The following IL18RAP variants were observed in gnomAD, a reference collection of about 807,000 sequenced individuals.
IL18RAP encodes the protein interleukin 18 receptor accessory protein.
In IL18RAP, 37 loss-of-function variants were observed where a neutral mutation model predicts 58.1. The observed-to-expected ratio is 0.64, with a 90% CI of 0.49 to 0.84. The LOEUF is 0.84. Among genes scored for constraint, IL18RAP ranks in the 40% least tolerant of loss-of-function variants. The pLI is 0.00. For synonymous variants in IL18RAP, 268 were observed against 257.5 expected (o/e 1.04, Z -0.39); for missense variants, 667 against 704.8 (o/e 0.95, Z 0.61).
intron 3 of IL18RAP, chr2:102,434,911 T>A (rs1682629500): frequency 6.6e-6 from 1 of 152,204 alleles, no homozygotes; most frequent in African/African-American, 2.4e-5. Flanking sequence ...TCATAAACCA[T>A]CTGTTAAATA....
intron 7 of IL18RAP, 128 bp from the exon 8 acceptor site, chr2:102,446,942 G>C (rs1289409415): frequency 2.0e-6 from 2 of 984,362 alleles, no homozygotes; most frequent in East Asian, 4.9e-5. Flanking sequence ...ACTGCTGCTA[G>C]TGGCAATGAT....
Position 102,452,292 on chromosome 2 carries a change from C to T in IL18RAP, c.*111C>T. On this transcript the variant is annotated 3_prime_UTR_variant, in exon 10 of 10. Transcript: ENST00000687160. The stretch of plus-strand genomic sequence containing the variant: ...GGCTGATAGGAAATTCAAAGAGTCT[C>T]CTGCCAGCACCAAGCAAGCTTGATG... The T allele has an allele frequency of 9.6e-7, 1 of 1,044,894 alleles. No homozygotes were observed. Among genetic ancestry groups the T allele is most frequent in the East Asian group, 2.5e-5 (1 of 40,624 alleles). The allele number at this position is 1,044,894 out of a possible 1,614,324, so 64.7% of individuals were successfully genotyped here. A position where few individuals can be genotyped will look rare whatever the true frequency, so the allele number is the denominator to read the frequency against.
At chr2:102,447,810 A>G (rs1683524397) in intron 8 of IL18RAP, among the ~76,000 whole-genome samples, 1 of 151,884 alleles carries the variant, frequency 6.6e-6, no homozygotes. Context: ...AGCTTACTTC[A>G]ATCTCCGCCT....
intron 3 of IL18RAP, among the ~76,000 whole-genome samples, chr2:102,429,364 G>T (rs1391047585): frequency 6.6e-6 from 1 of 151,886 alleles, no homozygotes; most frequent in Non-Finnish European, 1.5e-5. Flanking sequence ...GCATATAATT[G>T]TTCGTAGTAG....
Position 102,450,829 on chromosome 2 carries a change from A to T in IL18RAP, c.1211-19A>T. On this transcript the variant is annotated intron_variant, in intron 8 of 9. Transcript: ENST00000687160. ...AAGAGTAAATGACTTATGTTTTTAT[A>T]AATTTTCCTATTCTTCAGATAAAAA... is the stretch of plus-strand genomic sequence containing the variant. 6.5e-7 allele frequency: 1 copy of T among 1,529,812 alleles called. No individual in the cohort carries two copies. The highest frequency in any genetic ancestry group is 8.8e-7 in the Non-Finnish European group (1 of 1,130,942). 94.8% of individuals were successfully genotyped at this position (1,529,812 alleles called of 1,614,324 possible).
intron 5 of IL18RAP, 106 bp from the exon 6 acceptor site, chr2:102,443,094 C>T (rs1683202503): frequency 1.8e-6 from 2 of 1,082,990 alleles, no homozygotes; most frequent in East Asian, 4.9e-5. Context: ...TACCTGCAAA[C>T]CTGATTGCAT....
chr2:102,450,479 G>A lies in IL18RAP; in HGVS notation c.1211-369G>A, dbSNP rs11465731. Among the ~76,000 whole-genome samples, 754 of 152,220 alleles carry A rather than the reference G, an allele frequency of 5.0e-3. 4 individuals carry two copies. The highest frequency in any genetic ancestry group is 0.017 in the Middle Eastern group (5 of 294). ...GGTGTTAGCAGTACTTTGCTTACTG[G>A]ATATCATCATGTTGGATGGGGCAGA... On this transcript the variant is annotated intron_variant, in intron 8 of 9. Transcript: ENST00000687160.
chr2:102,430,557 T>C (rs1292337047), intron 3 of IL18RAP, among the ~76,000 whole-genome samples: 1 of 152,084 alleles, frequency 6.6e-6, no homozygotes, highest in Non-Finnish European at 1.5e-5. Context: ...AAGGTGATTA[T>C]TGGTAGATAA....
At chr2:102,432,679 G>A (rs184963399) in intron 3 of IL18RAP, among the ~76,000 whole-genome samples, 1 of 152,286 alleles carries the variant, frequency 6.6e-6, no homozygotes, top group East Asian at 1.9e-4. Context: ...GACCTGGGTG[G>A]GGCCAGCTGC....
chr2:102,443,094 C>A, intron 5 of IL18RAP, 106 bp from the exon 6 acceptor site: 1 of 1,082,990 alleles, frequency 9.2e-7, no homozygotes, highest in East Asian at 2.4e-5. Context: ...TACCTGCAAA[C>A]CTGATTGCAT....
upstream of IL18RAP, among the ~76,000 whole-genome samples, chr2:102,422,522 C>T (rs945570059): frequency 4.4e-4 from 67 of 152,142 alleles, no homozygotes; most frequent in Non-Finnish European, 5.9e-5. Context: ...TGGGAATGCT[C>T]CAGCTGGATC....
chr2:102,445,150 A>G, intron 6 of IL18RAP, 39 bp from the exon 7 acceptor site: 2 of 1,592,848 alleles, frequency 1.3e-6, no homozygotes, highest in Non-Finnish European at 8.6e-7. Flanking sequence ...GTGTCAATGT[A>G]TGTTACTGAA....
At chr2:102,424,725 C>T (rs912945990) in intron 3 of IL18RAP, among the ~76,000 whole-genome samples, 1 of 152,176 alleles carries the variant, frequency 6.6e-6, no homozygotes, top group Non-Finnish European at 1.5e-5. Context: ...TAGGTTCACT[C>T]ATTTTCACTG....
At chr2:102,437,045 C>A (rs909302898) in intron 3 of IL18RAP, among the ~76,000 whole-genome samples, 167 bp from the exon 4 acceptor site, 2 of 152,140 alleles carry the variant, frequency 1.3e-5, no homozygotes, top group African/African-American at 4.8e-5. Flanking sequence ...TGTTTCAAAT[C>A]TACAAGTACA....
At position 102,423,790 on chromosome 2, in the gene IL18RAP, TTTG is replaced by T. The variant is rs752896941; in HGVS notation, c.71-18_71-16del. The T allele has an allele frequency of 2.7e-5, 42 of 1,568,588 alleles. No individual in the cohort carries two copies. The highest frequency in any genetic ancestry group is 6.8e-5 in the African/African-American group (5 of 73,714). On this transcript the variant is annotated intron_variant, in intron 1 of 9. Coordinates refer to ENST00000687160, the MANE Select transcript of IL18RAP (RefSeq NM_001393487.1). The stretch of plus-strand genomic sequence containing the variant: ...CATTTTCTAATGTGTTTCCATGTGC[TTTG>T]TTTATTATGATTTTCAGGTTGTTCC...
chr2:102,437,360 T>C lies in IL18RAP; in HGVS notation c.728T>C (p.Ile243Thr). 1.2e-6 allele frequency: 2 copies of C among 1,605,928 alleles called. No individual in the cohort carries two copies. Among genetic ancestry groups the C allele is most frequent in the South Asian group, 1.1e-5 (1 of 88,678 alleles). Residue 243 changes from isoleucine (I) to threonine (T), a missense_variant and splice_region_variant, in exon 4 of 10, where the codon ATT becomes ACT. Coordinates refer to ENST00000687160, the MANE Select transcript of IL18RAP (RefSeq NM_001393487.1). ...TVRAVVQVRTIVGDTKLKPDI... is the reference protein window; with the variant it reads ...TVRAVVQVRTTVGDTKLKPDI... ...AGAGCTGTTGTTCAAGTGAGAACCA[T>C]TGGTAAGTGAGATTTTTATCTCAAG...
At chr2:102,421,294 T>C (rs747919835), upstream of IL18RAP, among the ~76,000 whole-genome samples, 73 of 152,210 alleles carry the variant, frequency 4.8e-4, no homozygotes, top group Non-Finnish European at 7.9e-4. Flanking sequence ...GGCGCTTCTT[T>C]ATCCAGGTGG....
upstream of IL18RAP, among the ~76,000 whole-genome samples, chr2:102,420,194 A>C (rs1172663120): frequency 6.6e-6 from 1 of 152,198 alleles, no homozygotes; most frequent in Non-Finnish European, 1.5e-5. Flanking sequence ...TGCTGGCAAC[A>C]GCTACTGTAA....
chr2:102,430,948 A>G (rs1411574117), intron 3 of IL18RAP, among the ~76,000 whole-genome samples: 2 of 152,194 alleles, frequency 1.3e-5, no homozygotes, highest in Non-Finnish European at 2.9e-5. Context: ...CTTCATAGTA[A>G]TGATAAATTG....
Sources: allele counts gnomAD v4.1 joint callset (sites outside exome capture counted in the v4.1 genomes callset), GRCh38; gene constraint gnomAD v4.1.1; transcripts MANE v1.5; gene names NCBI Gene and HGNC (gene_info 2026-07-23, HGNC 2026-07-21).